Variants in EIF4G3 observed in about 807,000 individuals in gnomAD.
EIF4G3 encodes eukaryotic translation initiation factor 4 gamma 3.
EIF4G3 carries 34 observed loss-of-function variants against 186.4 expected under a neutral mutation model. The ratio of observed to expected loss-of-function variants is 0.18; its 90% CI spans 0.14 to 0.24. The LOEUF (loss-of-function observed/expected upper bound fraction) is 0.24, where lower values mean the gene tolerates loss of function less well. EIF4G3 is among the 10% of genes least tolerant of loss of function. The pLI, the probability that EIF4G3 is intolerant of heterozygous loss-of-function variation, is 1.00. For synonymous variants in EIF4G3, 673 were observed against 679.5 expected, an observed-to-expected ratio of 0.99 and a Z score of 0.15; for missense variants, 1,536 against 1,948.5, an observed-to-expected ratio of 0.79 and a Z score of 3.99.
chr1:20,813,605 G>T (rs2059713718), intron 34 of EIF4G3, among the ~76,000 whole-genome samples: 1 of 151,972 alleles, frequency 6.6e-6, no homozygotes, highest in Admixed American at 6.6e-5. Flanking sequence ...AGTGGCTCAT[G>T]CCTGTAATCC....
chr1:20,857,389 A>G lies in EIF4G3; in HGVS notation c.3339+14T>C. The stretch of plus-strand genomic sequence containing the variant: ...AAAGGAGAGCGTAAATTGTACTTTA[A>G]ATGTCAGACTCACCTTAGTGATTTT... On this transcript the variant is annotated intron_variant, in intron 25 of 36. Coordinates refer to ENST00000602326, the MANE Select transcript of EIF4G3 (RefSeq NM_001391906.1). 6.2e-7 allele frequency: 1 copy of G among 1,603,662 alleles called. No individual in the cohort carries two copies. Among genetic ancestry groups the G allele is most frequent in the South Asian group, 1.1e-5 (1 of 90,860 alleles).
intron 2 of EIF4G3, among the ~76,000 whole-genome samples, chr1:21,163,937 A>T (rs568474736): frequency 6.6e-6 from 1 of 152,016 alleles, no homozygotes; most frequent in East Asian, 1.9e-4. Context: ...ACACCTGGCT[A>T]ATTTTTGTAT....
intron 30 of EIF4G3, among the ~76,000 whole-genome samples, chr1:20,829,552 T>C (rs148041581): frequency 2.0e-5 from 3 of 152,260 alleles, no homozygotes; most frequent in South Asian, 2.1e-4. Flanking sequence ...TACCTCCATA[T>C]AAAGGTGACA....
At chr1:20,946,333 A>G (rs1301242062) in intron 13 of EIF4G3, among the ~76,000 whole-genome samples, 2 of 152,166 alleles carry the variant, frequency 1.3e-5, no homozygotes, top group African/African-American at 4.8e-5. Flanking sequence ...TCCTCAGTAC[A>G]ATGGATTTAA....
chr1:20,970,879 G>A (rs1484945302), intron 11 of EIF4G3, among the ~76,000 whole-genome samples: 4 of 151,064 alleles, frequency 2.6e-5, no homozygotes, highest in African/African-American at 9.7e-5. Flanking sequence ...CAGGAGAATC[G>A]CTTGAACCCA....
At chr1:21,137,252 T>G (rs2097262443) in intron 2 of EIF4G3, among the ~76,000 whole-genome samples, 1 of 151,914 alleles carries the variant, frequency 6.6e-6, no homozygotes, top group Non-Finnish European at 1.5e-5. Flanking sequence ...AAAGTGATCC[T>G]CCTGCCTCAG....
At chr1:21,082,212 T>C (rs919241197) in intron 3 of EIF4G3, among the ~76,000 whole-genome samples, 1 of 149,776 alleles carries the variant, frequency 6.7e-6, no homozygotes, top group African/African-American at 2.5e-5. Context: ...TTGTGTAATT[T>C]TGAGACTGGC....
chr1:20,915,510 T>C (rs1439552016), intron 14 of EIF4G3, among the ~76,000 whole-genome samples: 2 of 149,026 alleles, frequency 1.3e-5, no homozygotes, highest in Non-Finnish European at 3.0e-5. Flanking sequence ...AATTGAACAA[T>C]ACAGAAAAAG....
chr1:20,883,797 T>C (rs2154554653), intron 19 of EIF4G3, among the ~76,000 whole-genome samples: 2 of 152,270 alleles, frequency 1.3e-5, no homozygotes, highest in Middle Eastern at 6.8e-3. Context: ...AAGCTGGAAA[T>C]ATCAGAAGAC....
chr1:21,011,921 G>C (rs1203345992), intron 4 of EIF4G3, among the ~76,000 whole-genome samples: 1 of 152,104 alleles, frequency 6.6e-6, no homozygotes, highest in Non-Finnish European at 1.5e-5. Context: ...TTCTTGCAAT[G>C]CCATTTTACT....
intron 3 of EIF4G3, among the ~76,000 whole-genome samples, chr1:21,082,082 C>T (rs2095807181): frequency 6.6e-6 from 1 of 151,100 alleles, no homozygotes; most frequent in African/African-American, 2.4e-5. Flanking sequence ...AAGTGTGAGC[C>T]ACCGTGCCTG....
intron 3 of EIF4G3, among the ~76,000 whole-genome samples, chr1:21,085,552 C>T (rs2095939100): frequency 6.6e-6 from 1 of 152,034 alleles, no homozygotes; most frequent in Non-Finnish European, 1.5e-5. Context: ...AGGCTCGCAC[C>T]ACCATGCCTG....
chr1:21,168,262 G>A (rs1000651014), intron 2 of EIF4G3, among the ~76,000 whole-genome samples: 5 of 151,728 alleles, frequency 3.3e-5, no homozygotes, highest in Admixed American at 2.6e-4. Context: ...AAAATTAGCC[G>A]GTCGTGGTGG....
At chr1:20,844,599 G>A (rs2070040746) in intron 29 of EIF4G3, among the ~76,000 whole-genome samples, 1 of 151,874 alleles carries the variant, frequency 6.6e-6, no homozygotes, top group African/African-American at 2.4e-5. Context: ...CCCAGTATTT[G>A]GGATGCGGAT....
At chr1:21,045,744 T>G (rs1329396685) in intron 4 of EIF4G3, among the ~76,000 whole-genome samples, 1 of 152,178 alleles carries the variant, frequency 6.6e-6, no homozygotes, top group Non-Finnish European at 1.5e-5. Context: ...TAGGAGTCTC[T>G]TTTGTTTTTA....
chr1:20,883,937 G>T (rs1408784119), intron 19 of EIF4G3, among the ~76,000 whole-genome samples: 2 of 152,148 alleles, frequency 1.3e-5, no homozygotes, highest in African/African-American at 4.8e-5. Flanking sequence ...TAATAGAGGA[G>T]AAAGAAGAAA....
intron 2 of EIF4G3, among the ~76,000 whole-genome samples, chr1:21,118,158 C>T (rs966988483): frequency 1.3e-5 from 2 of 152,132 alleles, no homozygotes; most frequent in Non-Finnish European, 2.9e-5. Flanking sequence ...GGCCGCATAA[C>T]CAAATGCAGT....
At chr1:21,001,821 A>G (rs1011735956) in intron 5 of EIF4G3, among the ~76,000 whole-genome samples, 4 of 152,220 alleles carry the variant, frequency 2.6e-5, no homozygotes, top group Admixed American at 2.6e-4. Context: ...TCTTTGGTAT[A>G]TTTAAACAAT....
At chr1:21,030,170 G>C (rs142501410) in intron 4 of EIF4G3, among the ~76,000 whole-genome samples, 1 of 152,196 alleles carries the variant, frequency 6.6e-6, no homozygotes. Context: ...CACTGGGCTG[G>C]TTGGAGAAAT....
Sources: gnomAD v4.1 joint callset for allele counts (sites outside exome capture counted in the v4.1 genomes callset) on GRCh38, gnomAD v4.1.1 for gene constraint, MANE v1.5 for transcripts, NCBI Gene and HGNC (gene_info 2026-07-23, HGNC 2026-07-21) for gene names.